Variants in EIF4E1B observed in about 807,000 individuals in gnomAD.
The protein encoded by EIF4E1B is eukaryotic translation initiation factor 4E type 1B.
In EIF4E1B, 22 loss-of-function variants were observed where a neutral mutation model predicts 31.3. The ratio of observed to expected loss-of-function variants is 0.70; its 90% CI spans 0.50 to 1.00. The LOEUF is 1.00. EIF4E1B is among the 50% of genes least tolerant of loss of function. The pLI is 0.00. For synonymous variants in EIF4E1B, 126 were observed against 120.2 expected (o/e 1.05, Z -0.31); for missense variants, 290 against 311.6 (o/e 0.93, Z 0.52).
At position 176,645,295 on chromosome 5, in the gene EIF4E1B, C is replaced by T. The variant is rs1760672318; in HGVS notation, c.474+52C>T. On this transcript the variant is annotated intron_variant, in intron 7 of 8. Transcript: ENST00000318682. The surrounding 1 kb of genome is among the most constrained non-coding windows in gnomAD (Gnocchi z 5.4). ...GGGAAGAGACGGGCTGTGTGGGTCT[C>T]ATGGTGGCAGTGGTCTCAAGGATGG... 10 of 1,585,718 alleles carry T rather than the reference C, an allele frequency of 6.3e-6. No homozygotes were observed. Among genetic ancestry groups the T allele is most frequent in the African/African-American group, 1.3e-5 (1 of 74,388 alleles).
Position 176,642,729 on chromosome 5 carries a change from G to A in EIF4E1B, c.-59G>A, listed in dbSNP as rs1335190313. On this transcript the variant is annotated 5_prime_UTR_variant, in exon 3 of 9. It introduces an in-frame stop codon into an upstream open reading frame of the 5' UTR. Coordinates refer to ENST00000318682, the MANE Select transcript of EIF4E1B (RefSeq NM_001099408.2). ...CTTCAGGTCTTGGCCCCCATGGTGT[G>A]GGGCTTGGTCACAGCTGCTTCCCCA... 5.8e-6 allele frequency: 9 copies of A among 1,552,320 alleles called. No individual in the cohort carries two copies. The Admixed American group carries it at 7.8e-5, about 14-fold the overall frequency.
Position 176,645,033 on chromosome 5 carries a change from A to G in EIF4E1B, c.361-97A>G, listed in dbSNP as rs573329816. On this transcript the variant is annotated intron_variant, in intron 6 of 8. Coordinates refer to ENST00000318682, the MANE Select transcript of EIF4E1B (RefSeq NM_001099408.2). This position sits in a 1 kb window ranked among gnomAD's most constrained non-coding sequence, Gnocchi z 5.4. The stretch of plus-strand genomic sequence containing the variant: ...GAGGATAAGAGAATCTGGCCTACTT[A>G]GGGCCTCAGCAGAGAGCGGATAAGG... 1.7e-5 allele frequency: 18 copies of G among 1,088,218 alleles called. No individual in the cohort carries two copies. Among genetic ancestry groups the G allele is most frequent in the Admixed American group, 4.6e-5 (2 of 43,178 alleles). 67.4% of individuals were successfully genotyped at this position (1,088,218 alleles called of 1,614,324 possible).
intron 1 of EIF4E1B, among the ~76,000 whole-genome samples, chr5:176,639,029 G>A (rs1420716612): frequency 6.6e-6 from 1 of 152,198 alleles, no homozygotes. Flanking sequence ...TCGAACTCCT[G>A]ACCTCAGGTG....
Position 176,645,314 on chromosome 5 carries a change from A to C in EIF4E1B, c.475-63A>C. ...GGGTCTCATGGTGGCAGTGGTCTCAAGGATGGCAGGCCAGTCCCTATGTCC... is the reference window on the plus strand; with the variant it reads ...GGGTCTCATGGTGGCAGTGGTCTCACGGATGGCAGGCCAGTCCCTATGTCC... On this transcript the variant is annotated intron_variant, in intron 7 of 8. Coordinates refer to ENST00000318682, the MANE Select transcript of EIF4E1B (RefSeq NM_001099408.2). The surrounding 1 kb of genome is among the most constrained non-coding windows in gnomAD (Gnocchi z 5.4). 1 of 1,569,954 alleles carries C rather than the reference A, an allele frequency of 6.4e-7. No homozygotes were observed. Among genetic ancestry groups the C allele is most frequent in the Non-Finnish European group, 8.7e-7 (1 of 1,153,258 alleles).
chr5:176,645,758 G>C lies in EIF4E1B; in HGVS notation c.615-108G>C. On this transcript the variant is annotated intron_variant, in intron 8 of 8. Coordinates refer to ENST00000318682, the MANE Select transcript of EIF4E1B (RefSeq NM_001099408.2). The surrounding 1 kb of genome is among the most constrained non-coding windows in gnomAD (Gnocchi z 5.4). ...TTTCCACATGGGTAAGACACAACAG[G>C]TGTGGCTGTGGCCAGAATGAGGGTA... 8.7e-7 allele frequency: 1 copy of C among 1,144,674 alleles called. No homozygotes were observed. Among genetic ancestry groups the C allele is most frequent in the South Asian group, 1.7e-5 (1 of 60,188 alleles). 70.9% of individuals were successfully genotyped at this position (1,144,674 alleles called of 1,614,324 possible).
intron 4 of EIF4E1B, 129 bp downstream of exon 4, chr5:176,643,395 C>A (rs1034996320): frequency 8.1e-7 from 1 of 1,239,966 alleles, no homozygotes; most frequent in Non-Finnish European, 1.1e-6. Flanking sequence ...CAGGGCTGAC[C>A]TAAGCCTTGG....
At chr5:176,637,598 T>C (rs1490665161) in intron 1 of EIF4E1B, among the ~76,000 whole-genome samples, 1 of 152,062 alleles carries the variant, frequency 6.6e-6, no homozygotes, top group East Asian at 1.9e-4. Context: ...GACAGTCACA[T>C]ACGATGGGCA....
At position 176,642,027 on chromosome 5, in the gene EIF4E1B, C is replaced by T. The variant is rs1302224347; in HGVS notation, c.-201-16C>T. The T allele has an allele frequency of 1.3e-5, 2 of 152,630 alleles. No individual in the cohort carries two copies. The highest frequency in any genetic ancestry group is 4.1e-4 in the South Asian group (2 of 4,828). 9.5% of individuals were successfully genotyped at this position (152,630 alleles called of 1,614,324 possible). The stretch of plus-strand genomic sequence containing the variant: ...AAGCTTCTGAGTTGTGTATGATTAA[C>T]ATTTTCATTTTACAGATGGGGAAAC... On this transcript the variant is annotated splice_polypyrimidine_tract_variant and intron_variant, in intron 1 of 8. Transcript: ENST00000318682.
chr5:176,636,104 A>T (rs1760488894), intron 1 of EIF4E1B, among the ~76,000 whole-genome samples: 1 of 152,234 alleles, frequency 6.6e-6, no homozygotes, highest in Admixed American at 6.5e-5. Context: ...GGCATGAGCC[A>T]CCGTTCCCAG....
intron 1 of EIF4E1B, among the ~76,000 whole-genome samples, chr5:176,636,122 C>A (rs1760489211): frequency 6.6e-6 from 1 of 152,162 alleles, no homozygotes; most frequent in African/African-American, 2.4e-5. Context: ...CAGCTAGATT[C>A]ACCAATTATT....
rs576065402 is a variant in EIF4E1B, at chr5:176,644,469, C to A, written c.360+30C>A. On this transcript the variant is annotated intron_variant, in intron 6 of 8. Coordinates refer to ENST00000318682, the MANE Select transcript of EIF4E1B (RefSeq NM_001099408.2). ...GCTCTGCTCTCCTCTTTCCCTCCCG[C>A]AAAGGGACAAGGGGTTGATCCCTCC... The A allele has an allele frequency of 3.7e-5, 58 of 1,564,130 alleles. 1 individual carries two copies. The highest frequency in any genetic ancestry group is 5.6e-5 in the Admixed American group (3 of 53,712).
At chr5:176,644,317 G>T in intron 5 of EIF4E1B, 59 bp from the exon 6 acceptor site, 1 of 1,532,884 alleles carries the variant, frequency 6.5e-7, no homozygotes, top group South Asian at 1.2e-5. Context: ...GCTGAACCCA[G>T]TTGGAACCAG....
intron 1 of EIF4E1B, among the ~76,000 whole-genome samples, chr5:176,636,367 C>T (rs1278466891): frequency 1.3e-5 from 2 of 152,254 alleles, no homozygotes; most frequent in Non-Finnish European, 2.9e-5. Flanking sequence ...GGAAATGGGC[C>T]TTTCCATTCT....
intron 1 of EIF4E1B, among the ~76,000 whole-genome samples, chr5:176,635,924 C>T (rs1760485007): frequency 6.6e-6 from 1 of 152,240 alleles, no homozygotes; most frequent in South Asian, 2.1e-4. Flanking sequence ...TCAAGCTATT[C>T]TCTTGCCTCA....
intron 5 of EIF4E1B, 98 bp from the exon 6 acceptor site, chr5:176,644,278 G>T: frequency 1.6e-6 from 2 of 1,271,762 alleles, no homozygotes; most frequent in Non-Finnish European, 2.2e-6. Flanking sequence ...AGGCTTGGAG[G>T]CCATGGGGTC....
intron 6 of EIF4E1B, 112 bp downstream of exon 6, chr5:176,644,551 T>C (rs1760657366): frequency 1.5e-5 from 18 of 1,186,444 alleles, no homozygotes; most frequent in Non-Finnish European, 2.1e-5. Flanking sequence ...ACGGGCCACC[T>C]CTCAGCAGAG....
intron 1 of EIF4E1B, among the ~76,000 whole-genome samples, chr5:176,634,134 A>AG (rs1378068675): frequency 7.0e-6 from 1 of 143,166 alleles, no homozygotes; most frequent in African/African-American, 2.6e-5. Context: ...ATAGGCATTG[A>AG]GGGGGTGGAG....
chr5:176,636,163 G>C (rs981351731), intron 1 of EIF4E1B, among the ~76,000 whole-genome samples: 1 of 152,096 alleles, frequency 6.6e-6, no homozygotes, highest in Admixed American at 6.6e-5. Flanking sequence ...CTCTTGCTCC[G>C]TATGTGCTTC....
At position 176,645,928 on chromosome 5, in the gene EIF4E1B, C is replaced by T. The variant is rs746706986; in HGVS notation, c.677C>T (p.Ala226Val). Residue 226 changes from alanine (A) to valine (V), a missense_variant, in exon 9 of 9, where the codon GCA becomes GTA. By Grantham distance (64) the Ala-to-Val change is moderately conservative (BLOSUM62 0). Coordinates refer to ENST00000318682, the MANE Select transcript of EIF4E1B (RefSeq NM_001099408.2). This position sits in a 1 kb window ranked among gnomAD's most constrained non-coding sequence, Gnocchi z 5.4. ...PKTIIGYQAH[A>V]DTATKSNSLA... ...ACCATCATTGGGTACCAGGCCCATG[C>T]AGACACAGCCACCAAGAGCAACTCC... The T allele has an allele frequency of 6.2e-7, 1 of 1,610,198 alleles. No individual in the cohort carries two copies. Among genetic ancestry groups the T allele is most frequent in the Non-Finnish European group, 8.5e-7 (1 of 1,178,292 alleles).
Sources: gnomAD v4.1 joint callset for allele counts (sites outside exome capture counted in the v4.1 genomes callset) on GRCh38, gnomAD v4.1.1 for gene constraint, Gnocchi (gnomAD v3.1) non-coding constraint, MANE v1.5 for transcripts, NCBI Gene and HGNC (gene_info 2026-07-23, HGNC 2026-07-21) for gene names.